Variants in SNAPC1 observed in about 807,000 individuals in gnomAD.
SNAPC1 encodes the protein small nuclear RNA activating complex polypeptide 1, also known as snRNA-activating protein complex subunit 1.
SNAPC1 carries 42 observed loss-of-function variants against 50.1 expected under a neutral mutation model. That is an observed-to-expected ratio of 0.84 (90% CI 0.65 to 1.08). SNAPC1 has a LOEUF of 1.08. Ranked by LOEUF, SNAPC1 falls within the 50% of genes least tolerant of loss-of-function variation. The pLI is 0.00. For missense variants in SNAPC1, 477 were observed against 427.3 expected (o/e 1.12, Z -1.02); for synonymous variants, 164 against 144.2 (o/e 1.14, Z -0.98).
At chr14:61,773,990 T>G in intron 4 of SNAPC1, among the ~76,000 whole-genome samples, 1 of 152,104 alleles carries the variant, frequency 6.6e-6, no homozygotes, top group East Asian at 1.9e-4. Context: ...ATTACAGGCA[T>G]GAGCCATCGT....
chr14:61,779,058 C>T, intron 7 of SNAPC1, 148 bp downstream of exon 7: 1 of 528,548 alleles, frequency 1.9e-6, no homozygotes, highest in Non-Finnish European at 3.3e-6. Flanking sequence ...CCCTTCTCTG[C>T]CACTTCCCAC....
intron 1 of SNAPC1, among the ~76,000 whole-genome samples, chr14:61,766,366 G>A (rs1167555930): frequency 2.0e-5 from 3 of 152,228 alleles, no homozygotes; most frequent in South Asian, 4.1e-4. Flanking sequence ...ACCGGACACA[G>A]CAGTAAAGTA....
intron 4 of SNAPC1, among the ~76,000 whole-genome samples, chr14:61,771,037 C>G (rs889433952): frequency 3.3e-5 from 5 of 152,134 alleles, no homozygotes; most frequent in African/African-American, 1.2e-4. Flanking sequence ...CCACCCCACC[C>G]AGCTCATATG....
chr14:61,778,693 T>A (rs905712678), intron 6 of SNAPC1, among the ~76,000 whole-genome samples, 155 bp from the exon 7 acceptor site: 2 of 152,248 alleles, frequency 1.3e-5, no homozygotes, highest in African/African-American at 4.8e-5. Context: ...TGTATGTTTA[T>A]GTGTGTGTAC....
At chr14:61,765,390 A>G (rs1042167894) in intron 1 of SNAPC1, among the ~76,000 whole-genome samples, 2 of 152,186 alleles carry the variant, frequency 1.3e-5, no homozygotes, top group Non-Finnish European at 2.9e-5. Flanking sequence ...CATGCGCCCA[A>G]GGTGGTCAGG....
At chr14:61,777,770 T>A in intron 5 of SNAPC1, among the ~76,000 whole-genome samples, 1 of 152,018 alleles carries the variant, frequency 6.6e-6, no homozygotes, top group Non-Finnish European at 1.5e-5. Flanking sequence ...AGATAAACTC[T>A]CTTCAAAGAG....
chr14:61,794,252 G>A (rs947846805), intron 9 of SNAPC1, among the ~76,000 whole-genome samples: 1 of 152,052 alleles, frequency 6.6e-6, no homozygotes, highest in Admixed American at 6.6e-5. Context: ...ATTATAGGGA[G>A]GGTGTACCCA....
At chr14:61,787,690 C>T (rs566164692) in intron 8 of SNAPC1, among the ~76,000 whole-genome samples, 1 of 152,324 alleles carries the variant, frequency 6.6e-6, no homozygotes, top group Admixed American at 6.5e-5. Flanking sequence ...GGCCAAGTCT[C>T]AGCTATTGTT....
rs145378546 is a variant in SNAPC1, at chr14:61,762,981, C to CTTTTTTTTTTTTTTTTTT, written c.128+403_128+420dup. Among the ~76,000 whole-genome samples the CTTTTTTTTTTTTTTTTTT allele has an allele frequency of 3.0e-4, 22 of 73,034 alleles. 4 individuals are homozygous for CTTTTTTTTTTTTTTTTTT. Among genetic ancestry groups the CTTTTTTTTTTTTTTTTTT allele is most frequent in the South Asian group, 1.3e-3 (2 of 1,512 alleles). The allele number at this position is 73,034 out of a possible 152,430, so 47.9% of individuals were successfully genotyped here. A position where few individuals can be genotyped will look rare whatever the true frequency, so the allele number is the denominator to read the frequency against. ...TTTTTCCTCCAACAACCAAAGTTGTCTTTTTTTTTTTTTTTTTTTTTTTTT... is the reference window on the plus strand; with the variant it reads ...TTTTTCCTCCAACAACCAAAGTTGTCTTTTTTTTTTTTTTTTTTTTTTTTTTTTTTTTTTTTTTTTTTT... On this transcript the variant is annotated intron_variant, in intron 1 of 9. Transcript: ENST00000216294.
At chr14:61,763,942 T>C (rs911760022) in intron 1 of SNAPC1, among the ~76,000 whole-genome samples, 5 of 152,064 alleles carry the variant, frequency 3.3e-5, no homozygotes, top group Non-Finnish European at 7.4e-5. Flanking sequence ...TTATTATTAT[T>C]TTTTTTTCTT....
At chr14:61,784,950 G>C (rs1301071131) in intron 8 of SNAPC1, among the ~76,000 whole-genome samples, 1 of 152,158 alleles carries the variant, frequency 6.6e-6, no homozygotes, top group African/African-American at 2.4e-5. Context: ...AAATTCTAAA[G>C]AGAATTTGCT....
intron 7 of SNAPC1, among the ~76,000 whole-genome samples, chr14:61,780,295 C>A (rs2045062812): frequency 6.6e-6 from 1 of 152,188 alleles, no homozygotes; most frequent in African/African-American, 2.4e-5. Context: ...TCATCTCCTT[C>A]CTCACCTACA....
intron 8 of SNAPC1, among the ~76,000 whole-genome samples, chr14:61,788,645 T>A (rs572404424): frequency 6.6e-6 from 1 of 152,164 alleles, no homozygotes; most frequent in Non-Finnish European, 1.5e-5. Flanking sequence ...TTATATTATT[T>A]GATAAAGATT....
chr14:61,777,413 T>C (rs188590784), intron 5 of SNAPC1, among the ~76,000 whole-genome samples: 5 of 152,304 alleles, frequency 3.3e-5, no homozygotes, highest in Admixed American at 2.6e-4. Context: ...CTTCTTGCTC[T>C]GTCACCCTGG....
chr14:61,774,060 A>G (rs1208960518), intron 4 of SNAPC1, among the ~76,000 whole-genome samples: 1 of 152,124 alleles, frequency 6.6e-6, no homozygotes, highest in Non-Finnish European at 1.5e-5. Context: ...AGTAGTTTGT[A>G]TAAGGTGAGG....
chr14:61,787,555 G>T (rs961308731), intron 8 of SNAPC1, among the ~76,000 whole-genome samples: 2 of 152,200 alleles, frequency 1.3e-5, no homozygotes, highest in Non-Finnish European at 2.9e-5. Context: ...AAAAGGAAAT[G>T]AGGTACAGAA....
chr14:61,788,864 T>G (rs1423037448), intron 8 of SNAPC1, among the ~76,000 whole-genome samples: 1 of 152,182 alleles, frequency 6.6e-6, no homozygotes, highest in Admixed American at 6.5e-5. Flanking sequence ...AATGGCAAAC[T>G]GTAAACAACT....
At position 61,778,092 on chromosome 14, in the gene SNAPC1, A is replaced by G; in HGVS notation, c.714A>G (p.Lys238=). 3 of 1,601,896 alleles carry G rather than the reference A, an allele frequency of 1.9e-6. No individual in the cohort carries two copies. The highest frequency in any genetic ancestry group is 2.6e-6 in the Non-Finnish European group (3 of 1,172,728). ...KDRKNPSLKS[K]TNDGEEKMEG... ...TTTAGAATCCATCCTTAAAGTCAAA[A>G]ACTAATGATGGAGAAGAAAAAATGG... The change falls in exon 6 of 10, where the codon AAA becomes AAG. Residue 238 remains lysine, a synonymous_variant. Coordinates refer to ENST00000216294, the MANE Select transcript of SNAPC1 (RefSeq NM_003082.4).
intron 2 of SNAPC1, 27 bp from the exon 3 acceptor site, chr14:61,767,185 A>G (rs1341906072): frequency 7.1e-7 from 1 of 1,406,356 alleles, no homozygotes; most frequent in Non-Finnish European, 9.3e-7. Flanking sequence ...TACATTTAGT[A>G]CAACTTTTTT....
Sources: gnomAD v4.1 joint callset for allele counts (sites outside exome capture counted in the v4.1 genomes callset) on GRCh38, gnomAD v4.1.1 for gene constraint, MANE v1.5 for transcripts, NCBI Gene and HGNC (gene_info 2026-07-23, HGNC 2026-07-21) for gene names.